LTBP1: variants seen among roughly 807,000 people sequenced by gnomAD.
LTBP1 encodes latent transforming growth factor beta binding protein 1.
Under a neutral mutation model 207.6 loss-of-function variants are expected in LTBP1, and 129 were observed. The ratio of observed to expected loss-of-function variants is 0.62; its 90% CI spans 0.54 to 0.72. The LOEUF (loss-of-function observed/expected upper bound fraction) is 0.72, where lower values mean the gene tolerates loss of function less well. Ranked by LOEUF, LTBP1 falls within the 30% of genes least tolerant of loss-of-function variation. LTBP1 has a pLI of 0.00. For synonymous variants in LTBP1, 963 were observed against 833.7 expected, an observed-to-expected ratio of 1.16 and a Z score of -2.67; for missense variants, 2,281 against 2,217.2, an observed-to-expected ratio of 1.03 and a Z score of -0.58.
At chr2:33,098,637 A>G (rs1281831846) in intron 3 of LTBP1, among the ~76,000 whole-genome samples, 2 of 151,334 alleles carry the variant, frequency 1.3e-5, no homozygotes, top group Non-Finnish European at 2.9e-5. Flanking sequence ...ACGGTGTTTC[A>G]CCTGTTGGCC....
intron 2 of LTBP1, among the ~76,000 whole-genome samples, chr2:32,990,564 GTGAC>G (rs1684250133): frequency 1.3e-5 from 2 of 152,284 alleles, no homozygotes; most frequent in East Asian, 3.9e-4. Flanking sequence ...TGATTTCAGA[GTGAC>G]TGTACCTGGG....
Position 33,056,874 on chromosome 2 carries a change from C to T in LTBP1, c.863+35668C>T, listed in dbSNP as rs540728109. ...GGCAGCCTCCTTTTATTCTCTTATC[C>T]GGCCCCACCCACATCCTGCCGATTG... On this transcript the variant is annotated intron_variant, in intron 3 of 33. Coordinates refer to ENST00000404816, the MANE Select transcript of LTBP1 (RefSeq NM_206943.4). Among the ~76,000 whole-genome samples the T allele has an allele frequency of 2.0e-4, 31 of 152,138 alleles. No homozygotes were observed. In the South Asian group the frequency reaches 3.3e-3, roughly 16 times the overall value.
chr2:33,134,631 A>G lies in LTBP1; in HGVS notation c.1034-162A>G, dbSNP rs1039439658. ...CTGAATACAGAGCAGCGAGCACTGA[A>G]GGCTTCCCTCTTTCCTTAAACCTGT... On this transcript the variant is annotated intron_variant, in intron 4 of 33. Transcript: ENST00000404816. The surrounding 1 kb of genome is among the most constrained non-coding windows in gnomAD (Gnocchi z 4.4). The G allele has an allele frequency of 6.5e-7, 1 of 1,537,088 alleles. No homozygotes were observed. Among genetic ancestry groups the G allele is most frequent in the African/African-American group, 1.4e-5 (1 of 72,828 alleles).
intron 3 of LTBP1, among the ~76,000 whole-genome samples, chr2:33,035,841 T>TA (rs1170436201): frequency 6.6e-6 from 1 of 152,128 alleles, no homozygotes; most frequent in East Asian, 1.9e-4. Flanking sequence ...AGGATAGTAA[T>TA]AAAAAAACCC....
chr2:33,163,275 A>G (rs6739323), intron 5 of LTBP1, among the ~76,000 whole-genome samples: 77,272 of 152,116 alleles, frequency 0.51, 20,268 homozygotes, highest in Middle Eastern at 0.63. Context: ...CACCACACCC[A>G]GCCTTTAAGA....
At chr2:33,157,513 A>T (rs1468474193) in intron 5 of LTBP1, among the ~76,000 whole-genome samples, 1 of 152,188 alleles carries the variant, frequency 6.6e-6, no homozygotes, top group Non-Finnish European at 1.5e-5. Flanking sequence ...ATAGATCAGA[A>T]AATTGAGACC....
chr2:33,312,943 A>G (rs1367430394), intron 23 of LTBP1, among the ~76,000 whole-genome samples: 2 of 151,816 alleles, frequency 1.3e-5, no homozygotes, highest in East Asian at 1.9e-4. Context: ...ACTTCATGCC[A>G]CCTTCTTCCT....
chr2:33,052,122 C>G (rs553605785), intron 3 of LTBP1, among the ~76,000 whole-genome samples: 1 of 152,286 alleles, frequency 6.6e-6, no homozygotes, highest in East Asian at 1.9e-4. Flanking sequence ...ACTTTCCTGT[C>G]CAGAGTTTTG....
chr2:33,393,904 A>T (rs1338021954), intron 32 of LTBP1, among the ~76,000 whole-genome samples: 1 of 152,104 alleles, frequency 6.6e-6, no homozygotes, highest in Non-Finnish European at 1.5e-5. Context: ...TTACAGTCCC[A>T]CCAACAGTGT....
Position 33,134,811 on chromosome 2 carries a change from G to T in LTBP1, c.1052G>T (p.Arg351Leu). Reference protein sequence around the residue: ...APFQLSNHTGRIKVVFTPSIC... With the variant: ...APFQLSNHTGLIKVVFTPSIC... The stretch of plus-strand genomic sequence containing the variant: ...CTCCTAGTGAGTAACCACACTGGCC[G>T]CATCAAGGTGGTCTTTACTCCGAGC... Residue 351 changes from arginine (R) to leucine (L), a missense_variant, in exon 5 of 34, where the codon CGC becomes CTC. This residue lies in a region of LTBP1 where 555 missense variants were observed against 491.0 expected (regional missense o/e 1.13). Coordinates refer to ENST00000404816, the MANE Select transcript of LTBP1 (RefSeq NM_206943.4). The surrounding 1 kb of genome is among the most constrained non-coding windows in gnomAD (Gnocchi z 4.4). The T allele has an allele frequency of 6.2e-7, 1 of 1,613,962 alleles. No homozygotes were observed. The highest frequency in any genetic ancestry group is 1.1e-5 in the South Asian group (1 of 91,056).
intron 31 of LTBP1, among the ~76,000 whole-genome samples, chr2:33,385,353 G>A (rs60519002): frequency 1.4e-3 from 207 of 152,072 alleles, no homozygotes; most frequent in South Asian, 0.013. Flanking sequence ...CTGCTTTTAC[G>A]TTTTGTTAAC....
chr2:33,307,918 T>G (rs1197280214), intron 22 of LTBP1, among the ~76,000 whole-genome samples: 4 of 152,194 alleles, frequency 2.6e-5, no homozygotes, highest in Non-Finnish European at 5.9e-5. Context: ...GTTGATTGGA[T>G]TCTAGGAGAA....
intron 3 of LTBP1, among the ~76,000 whole-genome samples, chr2:33,039,133 T>C (rs112842437): frequency 4.6e-5 from 7 of 152,354 alleles, no homozygotes; most frequent in African/African-American, 1.7e-4. Flanking sequence ...AGAGGTTAAA[T>C]TGGCCTTTGT....
intron 32 of LTBP1, among the ~76,000 whole-genome samples, chr2:33,391,717 A>C (rs985611872): frequency 2.0e-5 from 3 of 152,216 alleles, no homozygotes; most frequent in Non-Finnish European, 4.4e-5. Flanking sequence ...CCTCTATGGC[A>C]TTATAGTTTG....
At chr2:33,279,445 T>C (rs1265352680) in intron 18 of LTBP1, among the ~76,000 whole-genome samples, 2 of 152,180 alleles carry the variant, frequency 1.3e-5, no homozygotes, top group Non-Finnish European at 2.9e-5. Context: ...AATATTACCA[T>C]ATGGTCATAT....
At chr2:33,023,200 G>A (rs2075257822) in intron 3 of LTBP1, among the ~76,000 whole-genome samples, 1 of 152,148 alleles carries the variant, frequency 6.6e-6, no homozygotes, top group African/African-American at 2.4e-5. Context: ...AGATTACTGT[G>A]AATTGCAATT....
At chr2:33,005,781 T>C (rs1326873106) in intron 2 of LTBP1, among the ~76,000 whole-genome samples, 1 of 152,032 alleles carries the variant, frequency 6.6e-6, no homozygotes, top group Non-Finnish European at 1.5e-5. Context: ...GAGATGGAGT[T>C]TCACCATGTT....
intron 2 of LTBP1, among the ~76,000 whole-genome samples, chr2:32,990,779 C>CA (rs1684287407): frequency 6.6e-6 from 1 of 151,986 alleles, no homozygotes; most frequent in African/African-American, 2.4e-5. Flanking sequence ...TATTATGAGT[C>CA]TACCTGTCTG....
At chr2:32,980,674 T>A (rs1682625665) in intron 2 of LTBP1, among the ~76,000 whole-genome samples, 1 of 152,136 alleles carries the variant, frequency 6.6e-6, no homozygotes, top group African/African-American at 2.4e-5. Flanking sequence ...TACTAATGAG[T>A]TTTGTACCTT....
Sources: allele counts gnomAD v4.1 joint callset (sites outside exome capture counted in the v4.1 genomes callset), GRCh38; gene constraint gnomAD v4.1.1; regional missense constraint gnomAD v4.1.1; non-coding constraint Gnocchi (gnomAD v3.1); transcripts MANE v1.5; gene names NCBI Gene and HGNC (gene_info 2026-07-23, HGNC 2026-07-21).